CLNK: variants seen among roughly 807,000 people sequenced by gnomAD.
CLNK encodes the protein cytokine-dependent hematopoietic cell linker.
In CLNK, 74 loss-of-function variants were observed where a neutral mutation model predicts 68.6. The observed-to-expected ratio is 1.08, with a 90% CI of 0.89 to 1.31. The LOEUF is 1.31. CLNK is among the 50% of genes most tolerant of loss of function. The pLI is 0.00. For missense variants in CLNK, 553 were observed against 515.3 expected, an observed-to-expected ratio of 1.07 and a Z score of -0.71; for synonymous variants, 198 against 172.2, an observed-to-expected ratio of 1.15 and a Z score of -1.17.
chr4:10,712,976 C>A, the CLNK span, among the ~76,000 whole-genome samples: 1 of 152,184 alleles, frequency 6.6e-6, no homozygotes, highest in African/African-American at 2.4e-5. Context: ...CAGTAGCCCC[C>A]ATTCCCTGGC....
intron 12 of CLNK, chr4:10,531,709 G>A: frequency 2.2e-6 from 1 of 456,620 alleles, no homozygotes; most frequent in South Asian, 1.5e-5. Flanking sequence ...CCAAAGTGCT[G>A]GGATTACAGG....
chr4:10,563,410 C>A (rs929307507), intron 7 of CLNK, among the ~76,000 whole-genome samples: 2 of 152,100 alleles, frequency 1.3e-5, no homozygotes, highest in African/African-American at 4.8e-5. Flanking sequence ...TACTGAAAGC[C>A]TTTAAAATGT....
At chr4:10,490,937 G>GC (rs1716544427) in intron 18 of CLNK, among the ~76,000 whole-genome samples, 1 of 151,734 alleles carries the variant, frequency 6.6e-6, no homozygotes, top group African/African-American at 2.4e-5. Context: ...GCTAATTTTT[G>GC]TATTTTTAGT....
the CLNK span, among the ~76,000 whole-genome samples, chr4:10,709,721 A>G: frequency 2.0e-5 from 3 of 152,156 alleles, no homozygotes; most frequent in African/African-American, 7.2e-5. Context: ...GGCCTCCAGG[A>G]CTGCACACTT....
upstream of CLNK, among the ~76,000 whole-genome samples, chr4:10,689,745 A>ATTCTTTTTTTTTTTTTTTTT (rs1725395782): frequency 1.0e-5 from 1 of 100,094 alleles, no homozygotes; most frequent in Admixed American, 1.3e-4. Context: ...AAACCCATGC[A>ATTCTTTTTTTTTTTTTTTTT]TTTTTTTTTT....
At chr4:10,654,405 A>ATATAT (rs1367370247) in intron 2 of CLNK, among the ~76,000 whole-genome samples, 7 of 117,070 alleles carry the variant, frequency 6.0e-5, no homozygotes, top group South Asian at 5.5e-4. Context: ...ATATATATAG[A>ATATAT]AAGTCTCTTG....
chr4:10,538,409 G>A (rs746965552), intron 11 of CLNK, among the ~76,000 whole-genome samples: 3 of 152,222 alleles, frequency 2.0e-5, no homozygotes, highest in Non-Finnish European at 2.9e-5. Flanking sequence ...GATTAGAGGC[G>A]TAAGCCATTA....
intron 4 of CLNK, among the ~76,000 whole-genome samples, chr4:10,582,587 T>C (rs906740415): frequency 6.6e-6 from 1 of 152,192 alleles, no homozygotes; most frequent in Non-Finnish European, 1.5e-5. Context: ...TGGAAAGCAT[T>C]GCACTGTTCT....
chr4:10,689,106 C>T (rs936319900), upstream of CLNK, among the ~76,000 whole-genome samples: 15 of 151,882 alleles, frequency 9.9e-5, no homozygotes, highest in African/African-American at 2.9e-4. Context: ...GCTGTTTTTG[C>T]TATCTAAGGT....
At chr4:10,496,983 C>T (rs1353417395) in intron 18 of CLNK, among the ~76,000 whole-genome samples, 1 of 152,174 alleles carries the variant, frequency 6.6e-6, no homozygotes, top group African/African-American at 2.4e-5. Context: ...TCATTCTTTC[C>T]TTGCTTTGTT....
chr4:10,604,528 T>C (rs1721714932), intron 2 of CLNK, among the ~76,000 whole-genome samples: 1 of 152,088 alleles, frequency 6.6e-6, no homozygotes, highest in Non-Finnish European at 1.5e-5. Flanking sequence ...ATCCATGTGC[T>C]TGATCTGCCC....
intron 2 of CLNK, among the ~76,000 whole-genome samples, chr4:10,630,284 G>A (rs1312935474): frequency 6.6e-6 from 1 of 152,164 alleles, no homozygotes; most frequent in Non-Finnish European, 1.5e-5. Flanking sequence ...AAGTTACTAT[G>A]ACACGCATTT....
At chr4:10,674,425 A>C (rs1009504756) in intron 1 of CLNK, among the ~76,000 whole-genome samples, 2 of 152,246 alleles carry the variant, frequency 1.3e-5, no homozygotes, top group Non-Finnish European at 2.9e-5. Context: ...ACCAGGGCTT[A>C]AAGCCTAGGC....
At chr4:10,498,549 T>G (rs1716906411) in intron 18 of CLNK, among the ~76,000 whole-genome samples, 1 of 152,064 alleles carries the variant, frequency 6.6e-6, no homozygotes, top group Non-Finnish European at 1.5e-5. Context: ...AGATGAGAAA[T>G]TCTATAAGCT....
chr4:10,701,659 GA>G, the CLNK span, among the ~76,000 whole-genome samples: 5 of 152,312 alleles, frequency 3.3e-5, no homozygotes, highest in South Asian at 1.0e-3. Context: ...CGCCACCATA[GA>G]AAAGGCTTCA....
chr4:10,731,029 G>T, the CLNK span, among the ~76,000 whole-genome samples: 54,333 of 151,966 alleles, frequency 0.36, 11,463 homozygotes, highest in African/African-American at 0.6. Context: ...TCAAATCAAG[G>T]TATTTAAAAT....
chr4:10,646,779 C>A (rs140238314), intron 2 of CLNK, among the ~76,000 whole-genome samples: 224 of 152,188 alleles, frequency 1.5e-3, no homozygotes, highest in African/African-American at 5.2e-3. Context: ...CACATTCAAA[C>A]CATTATTCTT....
intron 11 of CLNK, among the ~76,000 whole-genome samples, chr4:10,533,323 T>C (rs1349719457): frequency 1.3e-5 from 2 of 152,280 alleles, no homozygotes; most frequent in South Asian, 4.1e-4. Flanking sequence ...TGTCAGAATG[T>C]GGTCAAAGTT....
At chr4:10,685,722 C>T (rs554890803), upstream of CLNK, among the ~76,000 whole-genome samples, 2 of 152,264 alleles carry the variant, frequency 1.3e-5, no homozygotes, top group South Asian at 2.1e-4. Context: ...TCTTTGAATG[C>T]TAATTGTGAG....
Sources: gnomAD v4.1 joint callset for allele counts (sites outside exome capture counted in the v4.1 genomes callset) on GRCh38, gnomAD v4.1.1 for gene constraint, MANE v1.5 for transcripts, NCBI Gene and HGNC (gene_info 2026-07-23, HGNC 2026-07-21) for gene names.